Variants in TMEM114 observed in about 807,000 individuals in gnomAD.
TMEM114 encodes transmembrane protein 114.
A neutral mutation model predicts 6.2 loss-of-function variants in TMEM114; 6 were observed. The observed-to-expected ratio is 0.97, with a 90% CI of 0.53 to 1.91. The LOEUF (loss-of-function observed/expected upper bound fraction) is 1.91, where lower values mean the gene tolerates loss of function less well. TMEM114 is among the 40% of genes most tolerant of loss of function. TMEM114 has a pLI of 0.01. For synonymous variants in TMEM114, 104 were observed against 73.0 expected, an observed-to-expected ratio of 1.42 and a Z score of -2.16; for missense variants, 218 against 158.3, an observed-to-expected ratio of 1.38 and a Z score of -2.02.
intron 2 of TMEM114, among the ~76,000 whole-genome samples, chr16:8,539,939 T>C (rs1423762454): frequency 6.6e-6 from 1 of 152,130 alleles, no homozygotes; most frequent in Non-Finnish European, 1.5e-5. Context: ...TGCCTCAGCC[T>C]CTGGAATAGC....
intron 2 of TMEM114, among the ~76,000 whole-genome samples, chr16:8,544,082 A>T (rs9931436): frequency 0.67 from 102,126 of 152,096 alleles, 35,532 homozygotes; most frequent in African/African-American, 0.84. Flanking sequence ...TTTTGTTGAT[A>T]GATTTTCTTT....
At chr16:8,580,380 G>C (rs974862415) in intron 2 of TMEM114, among the ~76,000 whole-genome samples, 1 of 151,712 alleles carries the variant, frequency 6.6e-6, no homozygotes, top group Non-Finnish European at 1.5e-5. Flanking sequence ...CCAGCTACTC[G>C]GGAGGCTGAG....
At chr16:8,562,116 G>C (rs1257370996) in intron 2 of TMEM114, among the ~76,000 whole-genome samples, 2 of 150,434 alleles carry the variant, frequency 1.3e-5, no homozygotes, top group African/African-American at 5.0e-5. Context: ...GAGCGAATAA[G>C]TAAGTGAATG....
At chr16:8,562,006 G>C (rs7405153) in intron 2 of TMEM114, among the ~76,000 whole-genome samples, 14,147 of 151,626 alleles carry the variant, frequency 0.093, 736 homozygotes, top group Middle Eastern at 0.19. Flanking sequence ...ATGAGTAAAT[G>C]AGTGACTGAA....
intron 2 of TMEM114, among the ~76,000 whole-genome samples, chr16:8,541,308 A>C (rs1900509887): frequency 6.6e-6 from 1 of 152,190 alleles, no homozygotes; most frequent in Non-Finnish European, 1.5e-5. Flanking sequence ...TCAGAGCATC[A>C]TACAATTTGT....
At chr16:8,571,411 C>T (rs1351054158) in intron 3 of TMEM114, among the ~76,000 whole-genome samples, 1 of 152,156 alleles carries the variant, frequency 6.6e-6, no homozygotes, top group Non-Finnish European at 1.5e-5. Flanking sequence ...ACAGGCACGG[C>T]CTCACATACT....
chr16:8,563,090 TGAGG>T (rs1901336022), intron 2 of TMEM114, among the ~76,000 whole-genome samples: 2 of 144,600 alleles, frequency 1.4e-5, no homozygotes, highest in African/African-American at 2.7e-5. Flanking sequence ...AATGAGTGAG[TGAGG>T]GAGGGAGGGA....
chr16:8,544,789 G>A (rs887599094), intron 2 of TMEM114, among the ~76,000 whole-genome samples: 9 of 152,162 alleles, frequency 5.9e-5, no homozygotes, highest in African/African-American at 2.2e-4. Context: ...TTTGTATTTT[G>A]TTCAACCCAA....
intron 2 of TMEM114, among the ~76,000 whole-genome samples, chr16:8,550,233 C>G (rs1179086597): frequency 6.6e-6 from 1 of 152,234 alleles, no homozygotes; most frequent in Non-Finnish European, 1.5e-5. Context: ...TACCAGTCCA[C>G]TGACTCAAAT....
intron 2 of TMEM114, among the ~76,000 whole-genome samples, chr16:8,541,433 G>A (rs1900513342): frequency 6.6e-6 from 1 of 152,050 alleles, no homozygotes; most frequent in Non-Finnish European, 1.5e-5. Context: ...AAAAATGAAA[G>A]CACTTTGTAA....
chr16:8,545,894 T>A (rs1414699504), intron 2 of TMEM114, among the ~76,000 whole-genome samples: 5 of 152,172 alleles, frequency 3.3e-5, no homozygotes, highest in Admixed American at 3.3e-4. Context: ...GGAGAAGGAT[T>A]GCTTGAGCCC....
chr16:8,566,789 G>C (rs1302212938), downstream of TMEM114, among the ~76,000 whole-genome samples: 1 of 151,962 alleles, frequency 6.6e-6, no homozygotes, highest in Non-Finnish European at 1.5e-5. Flanking sequence ...CCTACCTACA[G>C]GTTCTTCATG....
At chr16:8,563,207 G>A (rs1901344501) in intron 2 of TMEM114, among the ~76,000 whole-genome samples, 1 of 151,464 alleles carries the variant, frequency 6.6e-6, no homozygotes, top group South Asian at 2.1e-4. Flanking sequence ...ATGAGTGAAT[G>A]AGTGAGCAAA....
At chr16:8,570,332 T>TC (rs1326045734) in intron 3 of TMEM114, among the ~76,000 whole-genome samples, 2 of 151,520 alleles carry the variant, frequency 1.3e-5, no homozygotes, top group African/African-American at 4.9e-5. Flanking sequence ...GTAATTTTTT[T>TC]TTAGACAGAG....
intron 2 of TMEM114, among the ~76,000 whole-genome samples, chr16:8,577,758 A>AT (rs34052258): frequency 0.098 from 14,835 of 151,028 alleles, 1,137 homozygotes; most frequent in African/African-American, 0.21. Context: ...GAATTTTTGT[A>AT]TTTTTTTTAG....
intron 2 of TMEM114, among the ~76,000 whole-genome samples, chr16:8,543,634 A>G (rs1011708930): frequency 7.9e-5 from 12 of 151,976 alleles, no homozygotes; most frequent in Admixed American, 5.9e-4. Flanking sequence ...TCCTTTCTCA[A>G]TGACAGCCAA....
In TMEM114 at chr16:8,543,373, C is replaced by G. The variant is rs558034436; in HGVS notation, n.213-5547G>C. On this transcript the variant is annotated intron_variant and non_coding_transcript_variant, in intron 2 of 2. Transcript: ENST00000623677. ...ACTGGGGATAATTCATGGTGTGGCA[C>G]TTGCTTGTTACCTTGTCAATTTCAC... Among the ~76,000 whole-genome samples the G allele has an allele frequency of 2.6e-3, 401 of 152,230 alleles. 1 individual carries two copies. Among genetic ancestry groups the G allele is most frequent in the Non-Finnish European group, 5.0e-3 (338 of 68,014 alleles).
At chr16:8,566,348 G>T (rs527508414), downstream of TMEM114, among the ~76,000 whole-genome samples, 2 of 145,698 alleles carry the variant, frequency 1.4e-5, no homozygotes, top group South Asian at 4.3e-4. Context: ...TTGCACCCCA[G>T]CCTGGGTGAC....
intron 2 of TMEM114, among the ~76,000 whole-genome samples, chr16:8,539,388 C>G (rs888448468): frequency 5.9e-5 from 9 of 152,178 alleles, no homozygotes; most frequent in Non-Finnish European, 1.2e-4. Flanking sequence ...ATACTTGCCC[C>G]TGGCCCGAGT....
Sources: gnomAD v4.1 joint callset for allele counts (sites outside exome capture counted in the v4.1 genomes callset) on GRCh38, gnomAD v4.1.1 for gene constraint, MANE v1.5 for transcripts, NCBI Gene and HGNC (gene_info 2026-07-23, HGNC 2026-07-21) for gene names.